Variants in STS observed in about 807,000 individuals in gnomAD.
The protein encoded by STS is steryl-sulfatase.
In STS, 7 loss-of-function variants were observed where a neutral mutation model predicts 26.8. The observed-to-expected ratio is 0.26, with a 90% CI of 0.15 to 0.49. STS has a LOEUF of 0.49. STS is among the 20% of genes least tolerant of loss of function. The pLI is 0.98. For synonymous variants in STS, 199 were observed against 189.4 expected, an observed-to-expected ratio of 1.05 and a Z score of -0.42; for missense variants, 434 against 465.6, an observed-to-expected ratio of 0.93 and a Z score of 0.63.
Position 7,350,091 on chromosome X carries a change from A to G in STS, c.1567A>G (p.Lys523Glu). ...CGAGCCCCGGTTTTATGAAATCCTCAAAGTCATGCAGGAAGCTGCGGACAG... is the reference window on the plus strand; with the variant it reads ...CGAGCCCCGGTTTTATGAAATCCTCGAAGTCATGCAGGAAGCTGCGGACAG... ...ASEPRFYEIL[K>E]VMQEAADRHT... Residue 523 changes from lysine (K) to glutamate (E), a missense_variant, in exon 11 of 11, where the codon AAA (lysine) becomes GAA (glutamate). By Grantham distance (56) the Lys-to-Glu change is moderately conservative. Transcript: ENST00000674429. The G allele has an allele frequency of 8.3e-7, 1 of 1,211,817 alleles. No individual in the cohort carries two copies. The highest frequency in any genetic ancestry group is 1.1e-6 in the Non-Finnish European group (1 of 895,453).
At chrX:7,336,554 G>A (rs1220461606) in intron 10 of STS, among the ~76,000 whole-genome samples, 2 of 111,778 alleles carry the variant, frequency 1.8e-5, no homozygotes, top group African/African-American at 3.2e-5. Flanking sequence ...ATGGGCTTGC[G>A]ATTTTACTTC....
chrX:7,312,611 G>T (rs1264041157), intron 8 of STS, among the ~76,000 whole-genome samples: 5 of 111,036 alleles, frequency 4.5e-5, no homozygotes, highest in African/African-American at 1.6e-4. Context: ...CTGTTCTCGT[G>T]ATAATGAATA....
rs751973801 is a variant in STS, at chrX:7,257,254, C to G, written c.150C>G (p.Ile50Met). Reference protein sequence around the residue: ...YGNKTIRTPNIDRLASGGVKL... With the variant: ...YGNKTIRTPNMDRLASGGVKL... ...TCTTTTGTTCTAGGACTCCCAATAT[C>G]GACCGGTTGGCCAGTGGGGGAGTGA... Residue 50 changes from isoleucine (I) to methionine (M), a missense_variant, in exon 4 of 11, where the codon ATC (isoleucine) becomes ATG (methionine). Ile to Met is a conservative substitution (Grantham distance 10). This residue lies in a region of STS where 229 missense variants were observed against 288.3 expected (regional missense o/e 0.79). Coordinates refer to ENST00000674429, the MANE Select transcript of STS (RefSeq NM_001320752.2). 3 of 1,210,851 alleles carry G rather than the reference C, an allele frequency of 2.5e-6. No individual in the cohort carries two copies. The highest frequency in any genetic ancestry group is 4.3e-5 in the Admixed American group (2 of 46,094).
At chrX:7,219,211 T>C (rs1921437346) in intron 2 of STS, among the ~76,000 whole-genome samples, 1 of 112,310 alleles carries the variant, frequency 8.9e-6, no homozygotes, top group African/African-American at 3.2e-5. Context: ...CAGTCTCTTA[T>C]CTGACCATCT....
chrX:7,192,191 C>T (rs2147017246), intron 2 of STS, among the ~76,000 whole-genome samples: 1 of 111,823 alleles, frequency 8.9e-6, no homozygotes, highest in Admixed American at 9.4e-5. Context: ...GCTGGGGATT[C>T]CATCCCACCC....
intron 8 of STS, among the ~76,000 whole-genome samples, chrX:7,318,778 A>C (rs1329566956): frequency 9.0e-6 from 1 of 110,820 alleles, no homozygotes; most frequent in East Asian, 2.8e-4. Flanking sequence ...TCTAGGGGCT[A>C]CAGGCACAGC....
intron 7 of STS, 97 bp from the exon 8 acceptor site, chrX:7,304,949 C>T (rs1926141574): frequency 9.7e-7 from 1 of 1,026,877 alleles, no homozygotes; most frequent in East Asian, 3.1e-5. Flanking sequence ...ACGTTTACTT[C>T]CACCTTGAGA....
chrX:7,209,703 G>A (rs374314665), intron 2 of STS, among the ~76,000 whole-genome samples: 5 of 106,660 alleles, frequency 4.7e-5, no homozygotes, highest in African/African-American at 1.7e-4. Context: ...GAACGTGCAG[G>A]TTAGTTACAT....
In STS at chrX:7,279,333, GTGTGTA is replaced by G. The variant is rs1345620709; in HGVS notation, c.943+3252_943+3257del. ...TATATGTGTGTGTGTGTGTGTGTGT[GTGTGTA>G]TGTGTGTGTGTGTGTGTGTATATGT... On this transcript the variant is annotated intron_variant, in intron 7 of 10. Transcript: ENST00000674429. Among the ~76,000 whole-genome samples, 366 of 84,077 alleles carry G rather than the reference GTGTGTA, an allele frequency of 4.4e-3. 4 individuals carry two copies. Among genetic ancestry groups the G allele is most frequent in the African/African-American group, 0.018 (361 of 20,439 alleles). The allele number at this position is 84,077 out of a possible 115,157, so 73.0% of individuals were successfully genotyped here.
intron 2 of STS, among the ~76,000 whole-genome samples, chrX:7,202,811 A>C (rs929908940): frequency 9.0e-6 from 1 of 111,113 alleles, no homozygotes. Flanking sequence ...GGCAACATCC[A>C]ATCAGCTGGG....
At chrX:7,239,471 C>T (rs190963676) in intron 2 of STS, among the ~76,000 whole-genome samples, 476 of 112,012 alleles carry the variant, frequency 4.2e-3, no homozygotes, top group Non-Finnish European at 7.5e-3. Context: ...GTTTCTGTTA[C>T]GTAAGCACAT....
chrX:7,182,592 G>A (rs1007939565), intron 1 of STS, among the ~76,000 whole-genome samples: 7 of 110,995 alleles, frequency 6.3e-5, no homozygotes, highest in Admixed American at 1.9e-4. Context: ...CAGTAAGTGC[G>A]CATGGATTGT....
intron 7 of STS, among the ~76,000 whole-genome samples, chrX:7,295,390 G>T (rs1925614689): frequency 9.0e-6 from 1 of 110,780 alleles, no homozygotes. Flanking sequence ...TGCCTGGCTT[G>T]CAAGACAGGC....
At chrX:7,157,929 T>C (rs1434462575) in intron 1 of STS, among the ~76,000 whole-genome samples, 2 of 111,856 alleles carry the variant, frequency 1.8e-5, no homozygotes, top group Admixed American at 1.9e-4. Flanking sequence ...AAAAATGGCA[T>C]TCTGTAGGAA....
chrX:7,325,145 G>A (rs1927353887), intron 8 of STS, among the ~76,000 whole-genome samples, 194 bp from the exon 9 acceptor site: 1 of 111,672 alleles, frequency 9.0e-6, no homozygotes, highest in Non-Finnish European at 1.9e-5. Context: ...TGTCACATAT[G>A]GTGGTGACTG....
chrX:7,273,735 C>T (rs1924396207), intron 6 of STS, among the ~76,000 whole-genome samples: 1 of 111,278 alleles, frequency 9.0e-6, no homozygotes, highest in Non-Finnish European at 1.9e-5. Context: ...TCTCAAGGCT[C>T]CTATGTGTAC....
At chrX:7,325,031 G>C (rs368458217) in intron 8 of STS, among the ~76,000 whole-genome samples, 2 of 111,539 alleles carry the variant, frequency 1.8e-5, no homozygotes, top group African/African-American at 6.5e-5. Context: ...TGAATTCCCT[G>C]ACTCCAGAGT....
intron 2 of STS, among the ~76,000 whole-genome samples, chrX:7,206,490 G>A (rs1471287702): frequency 1.8e-5 from 2 of 109,648 alleles, no homozygotes; most frequent in Non-Finnish European, 3.8e-5. Flanking sequence ...TTCTTTTTTT[G>A]GTTCTTTGAT....
chrX:7,327,258 G>A (rs1309467173), intron 9 of STS, among the ~76,000 whole-genome samples: 5 of 110,850 alleles, frequency 4.5e-5, no homozygotes, highest in Non-Finnish European at 9.4e-5. Flanking sequence ...CATTGGCCTC[G>A]CAGACCTCCT....
Sources: gnomAD v4.1 joint callset for allele counts (sites outside exome capture counted in the v4.1 genomes callset) on GRCh38, gnomAD v4.1.1 for gene constraint, gnomAD v4.1.1 regional missense constraint, MANE v1.5 for transcripts, NCBI Gene and HGNC (gene_info 2026-07-23, HGNC 2026-07-21) for gene names.